FLT3: variants seen among roughly 807,000 people sequenced by gnomAD.
FLT3 encodes the protein fms related receptor tyrosine kinase 3.
A neutral mutation model predicts 126.6 loss-of-function variants in FLT3; 46 were observed. The observed-to-expected ratio is 0.36, with a 90% CI of 0.29 to 0.46. FLT3 has a LOEUF of 0.46. FLT3 is among the 20% of genes least tolerant of loss of function. The probability of loss-of-function intolerance (pLI) is 1.00; values close to 1 mark genes in which losing one functional copy is unlikely to be tolerated. For missense variants in FLT3, 1,069 were observed against 1,190.3 expected (o/e 0.90, Z 1.50); for synonymous variants, 404 against 434.4 (o/e 0.93, Z 0.87).
chr13:28,095,299 A>C (rs1284338778), intron 1 of FLT3, among the ~76,000 whole-genome samples: 1 of 151,770 alleles, frequency 6.6e-6, no homozygotes, highest in Non-Finnish European at 1.5e-5. Flanking sequence ...TTTTTTGAGA[A>C]GGAGTCTCGC....
rs902133349 is a variant in FLT3 at position 28,021,098 on chromosome 13, G to A, written c.2418+2252C>T. Among the ~76,000 whole-genome samples, 13 of 152,208 alleles carry A rather than the reference G, an allele frequency of 8.5e-5. No individual in the cohort carries two copies. In the South Asian group the frequency reaches 1.7e-3, roughly 19 times the overall value. ...GTAGGTGTTCTCCCACCTCTATAAA[G>A]ATGTTCGTGGGCCAGGTACAGTGGC... On this transcript the variant is annotated intron_variant, in intron 19 of 23. Transcript: ENST00000241453.
At chr13:28,034,027 G>T in intron 14 of FLT3, 36 bp from the exon 15 acceptor site, 1 of 1,613,062 alleles carries the variant, frequency 6.2e-7, no homozygotes, top group East Asian at 2.2e-5. Context: ...GCATTTTAAA[G>T]ATTTTCCAAT....
At chr13:28,004,590 G>C (rs903859428) in intron 23 of FLT3, among the ~76,000 whole-genome samples, 3 of 152,106 alleles carry the variant, frequency 2.0e-5, no homozygotes, top group African/African-American at 7.2e-5. Flanking sequence ...TTACAGGTGT[G>C]AGCCACTACG....
At chr13:28,083,095 C>A (rs1878442591) in intron 1 of FLT3, among the ~76,000 whole-genome samples, 1 of 152,148 alleles carries the variant, frequency 6.6e-6, no homozygotes, top group African/African-American at 2.4e-5. Flanking sequence ...TACACCTTGT[C>A]CTCCCAAAGT....
chr13:28,054,872 G>A (rs950760949), intron 4 of FLT3, among the ~76,000 whole-genome samples: 4 of 152,034 alleles, frequency 2.6e-5, no homozygotes, highest in Non-Finnish European at 5.9e-5. Context: ...TGACCATTTA[G>A]GTTTCATGTT....
chr13:28,007,410 T>G (rs1212060279), intron 23 of FLT3, among the ~76,000 whole-genome samples: 2 of 152,022 alleles, frequency 1.3e-5, no homozygotes. Flanking sequence ...CTACACCTGG[T>G]TAATTTTTTA....
At chr13:28,008,358 A>T (rs1871098788) in intron 23 of FLT3, among the ~76,000 whole-genome samples, 1 of 151,834 alleles carries the variant, frequency 6.6e-6, no homozygotes, top group Non-Finnish European at 1.5e-5. Context: ...TGAATTTAGA[A>T]TTATGAATTT....
At chr13:28,025,418 G>A (rs1189116182) in intron 17 of FLT3, 1 of 451,716 alleles carries the variant, frequency 2.2e-6, no homozygotes, top group Non-Finnish European at 4.4e-6. Context: ...TCTTTTTACT[G>A]TGAAATTAAT....
chr13:28,007,195 T>C (rs1435399120), intron 23 of FLT3, among the ~76,000 whole-genome samples: 1 of 152,154 alleles, frequency 6.6e-6, no homozygotes, highest in Non-Finnish European at 1.5e-5. Context: ...CTTTAAAAAA[T>C]GGTTCTTTTT....
At chr13:28,047,369 A>C (rs1874976696) in intron 9 of FLT3, among the ~76,000 whole-genome samples, 1 of 152,190 alleles carries the variant, frequency 6.6e-6, no homozygotes, top group African/African-American at 2.4e-5. Context: ...ATATAGGGGA[A>C]AGTTGTTTTT....
chr13:28,015,527 G>GGGGGGC, intron 21 of FLT3, 63 bp downstream of exon 21: 2 of 644,474 alleles, frequency 3.1e-6, no homozygotes, highest in African/African-American at 1.8e-5. Flanking sequence ...GGGTGGGGCG[G>GGGGGGC]CACCGAGAGA....
chr13:28,024,464 G>A (rs2137643241), intron 18 of FLT3, among the ~76,000 whole-genome samples: 1 of 152,346 alleles, frequency 6.6e-6, no homozygotes, highest in South Asian at 2.1e-4. Flanking sequence ...CTGTGAGGAA[G>A]GTAGTGTTAG....
In FLT3 at chr13:28,049,622, C is replaced by T. The variant is rs9513004; in HGVS notation, c.882+13G>A. On this transcript the variant is annotated intron_variant, in intron 7 of 23. Coordinates refer to ENST00000241453, the MANE Select transcript of FLT3 (RefSeq NM_004119.3). ...TGTTCCTGCATTTTCAGAATACAAA[C>T]TTGTCCTATTACCTCCTCGAGTGCT... The T allele has an allele frequency of 0.18, 284,995 of 1,613,092 alleles. 26,852 individuals carry two copies. The highest frequency in any genetic ancestry group is 0.24 in the Middle Eastern group (1,446 of 6,056).
chr13:28,014,513 C>T lies in FLT3; in HGVS notation c.2798G>A (p.Arg933Gln), dbSNP rs1871663855. 3.1e-6 allele frequency: 5 copies of T among 1,613,858 alleles called. No homozygotes were observed. Among genetic ancestry groups the T allele is most frequent in the Non-Finnish European group, 3.4e-6 (4 of 1,179,912 alleles). Residue 933 changes from arginine to glutamine, a missense_variant, in exon 23 of 24, where the codon CGG becomes CAG. Physicochemically the swap from Arg to Gln is conservative, Grantham distance 43. Transcript: ENST00000241453. ...CGAAGTCAAATTAGGGAAGGATGGC[C>T]GTTTCCTTGAGTCAAAAGCCCAGCA... Reference protein sequence around the residue: ...QSCWAFDSRKRPSFPNLTSFL... With the variant: ...QSCWAFDSRKQPSFPNLTSFL...
intron 21 of FLT3, 85 bp from the exon 22 acceptor site, chr13:28,015,341 C>G: frequency 1.0e-6 from 1 of 953,720 alleles, no homozygotes; most frequent in Non-Finnish European, 1.7e-6. Flanking sequence ...GTATTGAGAT[C>G]TGCCATGTGC....
At position 28,027,117 on chromosome 13, in the gene FLT3, G is replaced by A. The variant is rs764025365; in HGVS notation, c.2178C>T (p.Tyr726=). Residue 726 remains tyrosine, a synonymous_variant, in exon 17 of 24, where the codon TAC becomes TAT. Coordinates refer to ENST00000241453, the MANE Select transcript of FLT3 (RefSeq NM_004119.3). Reference sequence around the variant, plus strand: ...AATTTGGATGTGATTGGAAAGTGGGGTAAAAACTGAAATTGTGTTCCTTGA... The same window carrying A: ...AATTTGGATGTGATTGGAAAGTGGGATAAAAACTGAAATTGTGTTCCTTGA... ...EIFKEHNFSF[Y]PTFQSHPNSS... is the part of the protein sequence containing the mutation. 5.0e-6 allele frequency: 8 copies of A among 1,613,800 alleles called. No individual in the cohort carries two copies. In the South Asian group the frequency reaches 8.8e-5, roughly 18 times the overall value.
At chr13:28,083,796 C>T (rs1238624189) in intron 1 of FLT3, among the ~76,000 whole-genome samples, 4 of 152,058 alleles carry the variant, frequency 2.6e-5, no homozygotes, top group South Asian at 4.1e-4. Context: ...CCATATTAAC[C>T]GTTTAATATC....
intron 1 of FLT3, among the ~76,000 whole-genome samples, chr13:28,099,529 A>C (rs1879682428): frequency 6.6e-6 from 1 of 152,168 alleles, no homozygotes; most frequent in Admixed American, 6.6e-5. Context: ...TCAGAGCTGA[A>C]GGGGACTCGG....
chr13:28,078,942 G>A (rs536054110), intron 1 of FLT3, among the ~76,000 whole-genome samples: 3 of 152,116 alleles, frequency 2.0e-5, no homozygotes, highest in Non-Finnish European at 4.4e-5. Context: ...TTGAACTCCC[G>A]ACCTCGTGAT....
Sources: gnomAD v4.1 joint callset for allele counts (sites outside exome capture counted in the v4.1 genomes callset) on GRCh38, gnomAD v4.1.1 for gene constraint, MANE v1.5 for transcripts, NCBI Gene and HGNC (gene_info 2026-07-23, HGNC 2026-07-21) for gene names.